TAFA2: variants seen among roughly 807,000 people sequenced by gnomAD.
TAFA2 encodes TAFA chemokine like family member 2.
A neutral mutation model predicts 18.8 loss-of-function variants in TAFA2; 7 were observed. The observed-to-expected ratio is 0.37, with a 90% CI of 0.21 to 0.70. The LOEUF is 0.70. Ranked by LOEUF, TAFA2 falls within the 30% of genes least tolerant of loss-of-function variation. The pLI, the probability that TAFA2 is intolerant of heterozygous loss-of-function variation, is 0.53. For synonymous variants in TAFA2, 60 were observed against 54.2 expected (o/e 1.11, Z -0.47); for missense variants, 122 against 158.1 (o/e 0.77, Z 1.23).
intron 1 of TAFA2, among the ~76,000 whole-genome samples, chr12:62,008,122 T>C (rs1880617282): frequency 6.6e-6 from 1 of 152,192 alleles, no homozygotes; most frequent in Non-Finnish European, 1.5e-5. Flanking sequence ...AAGGTCCTCA[T>C]AACTCTTTAC....
intron 2 of TAFA2, among the ~76,000 whole-genome samples, chr12:61,808,085 G>T (rs1364590154): frequency 6.6e-6 from 1 of 151,644 alleles, no homozygotes; most frequent in African/African-American, 2.4e-5. Context: ...GGGGCAGAAT[G>T]ATATGGTTTG....
At chr12:61,830,917 CA>C (rs1210088821) in intron 2 of TAFA2, among the ~76,000 whole-genome samples, 1 of 152,000 alleles carries the variant, frequency 6.6e-6, no homozygotes, top group African/African-American at 2.4e-5. Flanking sequence ...CTTTACCAAA[CA>C]TATCAGAATT....
intron 1 of TAFA2, among the ~76,000 whole-genome samples, chr12:61,962,008 TA>T (rs1302105138): frequency 1.1e-4 from 17 of 152,150 alleles, no homozygotes; most frequent in Admixed American, 9.2e-4. Flanking sequence ...TAGAATTGAA[TA>T]ATTTGAACTT....
chr12:62,089,015 G>A (rs1868593278), intron 1 of TAFA2, among the ~76,000 whole-genome samples: 1 of 151,806 alleles, frequency 6.6e-6, no homozygotes, highest in Admixed American at 6.6e-5. Flanking sequence ...TTTATCCAAA[G>A]AAGTAGCAGC....
chr12:61,755,138 T>G lies in TAFA2; in HGVS notation c.107-114A>C, dbSNP rs930811765. Reference sequence around the variant, plus strand: ...AGCTCTATAAGGGGTCCACCAGGCATGAAACGAGAAATACAATGATGCTAA... The same window carrying G: ...AGCTCTATAAGGGGTCCACCAGGCAGGAAACGAGAAATACAATGATGCTAA... On this transcript the variant is annotated intron_variant, in intron 2 of 4. Coordinates refer to ENST00000416284, the MANE Select transcript of TAFA2 (RefSeq NM_178539.5). 8 of 885,704 alleles carry G rather than the reference T, an allele frequency of 9.0e-6. No homozygotes were observed. In the Admixed American group the frequency reaches 2.2e-4, roughly 24 times the overall value. The allele number at this position is 885,704 out of a possible 1,614,324, so 54.9% of individuals were successfully genotyped here. A position where few individuals can be genotyped will look rare whatever the true frequency, so the allele number is the denominator to read the frequency against.
At chr12:61,759,783 T>G (rs7487661) in intron 2 of TAFA2, among the ~76,000 whole-genome samples, 59,837 of 151,718 alleles carry the variant, frequency 0.39, 12,360 homozygotes, top group African/African-American at 0.53. Flanking sequence ...AGATGAAAAA[T>G]AAAATATTTA....
chr12:62,252,582 T>C (rs2062919419), intron 1 of TAFA2: 1 of 152,214 alleles, frequency 6.6e-6, no homozygotes. Context: ...TATCCATAAA[T>C]TCTATTTGCT....
Position 61,880,439 on chromosome 12 carries a change from G to A in TAFA2, c.-1-13013C>T, listed in dbSNP as rs541667914. 846 of 539,372 alleles carry A rather than the reference G, an allele frequency of 1.6e-3. 8 individuals are homozygous for A. Among genetic ancestry groups the A allele is most frequent in the African/African-American group, 0.015 (774 of 52,192 alleles). The allele number at this position is 539,372 out of a possible 1,614,324, so 33.4% of individuals were successfully genotyped here. ...GCAGGACATGGCACAGCAGCTGCGT[G>A]TATACCAGGAGCTGATGAATGTCAA... is the stretch of plus-strand genomic sequence containing the variant. On this transcript the variant is annotated intron_variant, in intron 1 of 4. Transcript: ENST00000416284.
intron 4 of TAFA2, among the ~76,000 whole-genome samples, chr12:61,731,273 T>A (rs928493187): frequency 5.9e-5 from 9 of 152,246 alleles, no homozygotes; most frequent in African/African-American, 2.2e-4. Flanking sequence ...TTGTCTGTCT[T>A]ATGGAGTTTA....
chr12:61,896,389 T>A (rs1875845085), intron 1 of TAFA2, among the ~76,000 whole-genome samples: 1 of 152,226 alleles, frequency 6.6e-6, no homozygotes, highest in African/African-American at 2.4e-5. Flanking sequence ...TATTTAATAA[T>A]CTACCAAACT....
chr12:62,173,662 T>G (rs1216551150), intron 1 of TAFA2, among the ~76,000 whole-genome samples: 2 of 152,236 alleles, frequency 1.3e-5, no homozygotes. Context: ...AAGTGTCATT[T>G]AAACCTGTGT....
intron 1 of TAFA2, among the ~76,000 whole-genome samples, chr12:62,181,997 C>CT (rs1555196491): frequency 6.7e-6 from 1 of 150,220 alleles, no homozygotes; most frequent in Non-Finnish European, 1.5e-5. Flanking sequence ...CCATCCCCCC[C>CT]CCGCTACACA....
At chr12:61,833,393 C>A (rs1289325459) in intron 2 of TAFA2, among the ~76,000 whole-genome samples, 2 of 151,810 alleles carry the variant, frequency 1.3e-5, no homozygotes, top group South Asian at 2.1e-4. Flanking sequence ...GCCCCAAGAT[C>A]ACTTATAGAG....
intron 4 of TAFA2, among the ~76,000 whole-genome samples, chr12:61,740,293 A>AC (rs1479272226): frequency 6.6e-6 from 1 of 151,934 alleles, no homozygotes; most frequent in Non-Finnish European, 1.5e-5. Flanking sequence ...GAACACATGG[A>AC]CACAGGGGTG....
chr12:61,715,646 C>G (rs1407736150), intron 4 of TAFA2, among the ~76,000 whole-genome samples: 1 of 151,938 alleles, frequency 6.6e-6, no homozygotes, highest in African/African-American at 2.4e-5. Flanking sequence ...GCCACCGCGC[C>G]CAGCCAATCC....
chr12:62,028,983 A>G (rs1036943385), intron 1 of TAFA2, among the ~76,000 whole-genome samples: 1 of 152,170 alleles, frequency 6.6e-6, no homozygotes, highest in African/African-American at 2.4e-5. Flanking sequence ...TATAGGCTAA[A>G]ATACATGTAT....
At chr12:61,760,607 A>G (rs1869501922) in intron 2 of TAFA2, among the ~76,000 whole-genome samples, 1 of 151,206 alleles carries the variant, frequency 6.6e-6, no homozygotes, top group South Asian at 2.1e-4. Context: ...CAAGCAATTT[A>G]AAAAGATAAA....
chr12:61,772,187 G>T (rs1870057950), intron 2 of TAFA2, among the ~76,000 whole-genome samples: 1 of 151,786 alleles, frequency 6.6e-6, no homozygotes, highest in Non-Finnish European at 1.5e-5. Context: ...GGAAGAAATA[G>T]AAACTCTAAA....
At chr12:61,952,869 T>C (rs1448077258) in intron 1 of TAFA2, among the ~76,000 whole-genome samples, 1 of 152,034 alleles carries the variant, frequency 6.6e-6, no homozygotes, top group Non-Finnish European at 1.5e-5. Flanking sequence ...AAGAACCGAG[T>C]ACGTGTTTTT....
Sources: gnomAD v4.1 joint callset for allele counts (sites outside exome capture counted in the v4.1 genomes callset) on GRCh38, gnomAD v4.1.1 for gene constraint, MANE v1.5 for transcripts, NCBI Gene and HGNC (gene_info 2026-07-23, HGNC 2026-07-21) for gene names.